MLLT10: variants seen among roughly 807,000 people sequenced by gnomAD.
MLLT10 encodes protein AF-10.
Under a neutral mutation model 129.1 loss-of-function variants are expected in MLLT10, and 30 were observed. That is an observed-to-expected ratio of 0.23 (90% CI 0.17 to 0.32). The LOEUF (loss-of-function observed/expected upper bound fraction) is 0.32, where lower values mean the gene tolerates loss of function less well. Ranked by LOEUF, MLLT10 falls within the 10% of genes least tolerant of loss-of-function variation. MLLT10 has a pLI of 1.00. For synonymous variants in MLLT10, 490 were observed against 446.4 expected (o/e 1.10, Z -1.23); for missense variants, 1,119 against 1,268.3 (o/e 0.88, Z 1.79).
At chr10:21,576,680 G>T (rs1211385075) in intron 3 of MLLT10, among the ~76,000 whole-genome samples, 4 of 150,222 alleles carry the variant, frequency 2.7e-5, no homozygotes, top group Non-Finnish European at 5.9e-5. Context: ...GCCCAGACTG[G>T]AGTGCAATGG....
intron 8 of MLLT10, among the ~76,000 whole-genome samples, chr10:21,646,846 C>G (rs937315283): frequency 1.3e-5 from 2 of 149,772 alleles, no homozygotes; most frequent in African/African-American, 5.0e-5. Context: ...AAATCTCTGA[C>G]TATTCCCTTT....
chr10:21,707,023 G>C (rs1385785315), intron 13 of MLLT10, among the ~76,000 whole-genome samples: 1 of 151,828 alleles, frequency 6.6e-6, no homozygotes, highest in African/African-American at 2.4e-5. Context: ...TGAAATGTTG[G>C]AGAGCCTCAA....
chr10:21,693,249 G>C (rs527572815), intron 13 of MLLT10, among the ~76,000 whole-genome samples: 2 of 152,034 alleles, frequency 1.3e-5, no homozygotes, highest in Non-Finnish European at 2.9e-5. Flanking sequence ...AAATTGCTTT[G>C]CAATGTTAAT....
chr10:21,630,754 T>C (rs1454121558), intron 8 of MLLT10, among the ~76,000 whole-genome samples: 1 of 152,210 alleles, frequency 6.6e-6, no homozygotes, highest in African/African-American at 2.4e-5. Flanking sequence ...TCTATGAAAC[T>C]GTGGTGAACT....
intron 13 of MLLT10, among the ~76,000 whole-genome samples, chr10:21,704,029 T>TTTG (rs1564680724): frequency 2.2e-5 from 3 of 138,764 alleles, no homozygotes; most frequent in South Asian, 4.9e-4. Flanking sequence ...TTTTTTTTTT[T>TTTG]TTTTTTTTTT....
chr10:21,676,417 C>CAAAAAAAAAAAAAAAA (rs113829023), intron 11 of MLLT10, among the ~76,000 whole-genome samples: 1 of 129,622 alleles, frequency 7.7e-6, no homozygotes, highest in Admixed American at 7.9e-5. Context: ...GACTCCGTCT[C>CAAAAAAAAAAAAAAAA]AAAAAAAAAA....
chr10:21,544,647 G>A (rs148378457), intron 3 of MLLT10, among the ~76,000 whole-genome samples: 54 of 152,272 alleles, frequency 3.5e-4, no homozygotes, highest in Middle Eastern at 3.4e-3. Flanking sequence ...GAAAAGAAGG[G>A]AGCATTTTGA....
chr10:21,735,002 C>G, intron 20 of MLLT10, 137 bp from the exon 21 acceptor site: 1 of 630,570 alleles, frequency 1.6e-6, no homozygotes, highest in Non-Finnish European at 2.8e-6. Flanking sequence ...TTGTACATAA[C>G]TGTTTTCAGA....
At chr10:21,731,490 T>C (rs2057967416) in intron 17 of MLLT10, among the ~76,000 whole-genome samples, 1 of 152,158 alleles carries the variant, frequency 6.6e-6, no homozygotes, top group African/African-American at 2.4e-5. Context: ...TATCAATCAG[T>C]TTACTAAAAT....
intron 13 of MLLT10, among the ~76,000 whole-genome samples, chr10:21,709,388 T>C (rs1019828217): frequency 1.1e-4 from 16 of 152,188 alleles, no homozygotes; most frequent in African/African-American, 3.9e-4. Context: ...TGCGCCGCCA[T>C]GCCTGGCTAA....
At chr10:21,590,619 G>A (rs577385671) in intron 4 of MLLT10, among the ~76,000 whole-genome samples, 4 of 152,226 alleles carry the variant, frequency 2.6e-5, no homozygotes, top group South Asian at 2.1e-4. Flanking sequence ...GATTACAGGC[G>A]GGAGCCACCA....
chr10:21,672,809 T>C (rs1020147863), intron 10 of MLLT10, among the ~76,000 whole-genome samples: 2 of 152,208 alleles, frequency 1.3e-5, no homozygotes, highest in Non-Finnish European at 2.9e-5. Context: ...CAATCACTAG[T>C]ATGTCTTAAA....
At chr10:21,633,787 A>G (rs1242446358) in intron 8 of MLLT10, among the ~76,000 whole-genome samples, 2 of 152,226 alleles carry the variant, frequency 1.3e-5, no homozygotes, top group South Asian at 2.1e-4. Flanking sequence ...AGTTGATTCT[A>G]TATAGCCACA....
At chr10:21,549,091 A>G (rs1389703850) in intron 3 of MLLT10, among the ~76,000 whole-genome samples, 3 of 146,798 alleles carry the variant, frequency 2.0e-5, no homozygotes, top group Non-Finnish European at 4.5e-5. Context: ...CGACCAGATT[A>G]TAATGGTTTC....
intron 3 of MLLT10, among the ~76,000 whole-genome samples, chr10:21,576,602 G>T (rs1363467145): frequency 4.0e-5 from 6 of 150,460 alleles, no homozygotes; most frequent in African/African-American, 1.5e-4. Flanking sequence ...GACACCTTGT[G>T]TTTACTTTTC....
At chr10:21,584,843 CATAT>C (rs567580758) in intron 3 of MLLT10, among the ~76,000 whole-genome samples, 10 of 150,918 alleles carry the variant, frequency 6.6e-5, no homozygotes, top group South Asian at 4.2e-4. Flanking sequence ...TACATACACA[CATAT>C]ATATACGTAT....
intron 3 of MLLT10, among the ~76,000 whole-genome samples, chr10:21,585,936 T>G (rs1245096920): frequency 6.6e-6 from 1 of 152,064 alleles, no homozygotes; most frequent in Non-Finnish European, 1.5e-5. Context: ...TAATTTTTTA[T>G]TTTTAGTAGA....
rs1313292658 is a variant in MLLT10, at chr10:21,733,784, GACA to G, written c.2515_2517del (p.Gln839del). On this transcript the variant is annotated inframe_deletion, in exon 20 of 23. Coordinates refer to ENST00000307729, the MANE Select transcript of MLLT10 (RefSeq NM_001195626.3). ...TTACGCTAGGACTTAACCTCCAGTGGACAAAGTACCAGCAGCTCATCAGCTCTT... is the reference window on the plus strand; with the variant it reads ...TTACGCTAGGACTTAACCTCCAGTGGAAGTACCAGCAGCTCATCAGCTCTT... 1.9e-6 allele frequency: 3 copies of G among 1,612,860 alleles called. No homozygotes were observed. The highest frequency in any genetic ancestry group is 2.5e-6 in the Non-Finnish European group (3 of 1,179,444).
At chr10:21,694,744 T>A (rs2054192977) in intron 13 of MLLT10, among the ~76,000 whole-genome samples, 2 of 152,324 alleles carry the variant, frequency 1.3e-5, no homozygotes, top group Admixed American at 1.3e-4. Context: ...ATCAGAAAGT[T>A]AGCAGCTTAA....
Sources: allele counts gnomAD v4.1 joint callset (sites outside exome capture counted in the v4.1 genomes callset), GRCh38; gene constraint gnomAD v4.1.1; transcripts MANE v1.5; gene names NCBI Gene and HGNC (gene_info 2026-07-23, HGNC 2026-07-21).